NUP37: variants seen among roughly 807,000 people sequenced by gnomAD.
The protein encoded by NUP37 is nucleoporin 37.
In NUP37, 33 loss-of-function variants were observed where a neutral mutation model predicts 45.4. The ratio of observed to expected loss-of-function variants is 0.73; its 90% confidence interval spans 0.55 to 0.97. The LOEUF (loss-of-function observed/expected upper bound fraction) is 0.97. Among genes scored for constraint, NUP37 ranks in the 50% least tolerant of loss-of-function variants. The pLI is 0.00. For missense variants in NUP37, 365 were observed against 389.7 expected (o/e 0.94, Z 0.53); for synonymous variants, 127 against 130.7 (o/e 0.97, Z 0.19).
chr12:102,109,162 A>C (rs1294288608), intron 3 of NUP37, among the ~76,000 whole-genome samples: 1 of 152,232 alleles, frequency 6.6e-6, no homozygotes, highest in East Asian at 1.9e-4. Context: ...TTGAACCAGA[A>C]AACCTCAGAG....
intron 4 of NUP37, among the ~76,000 whole-genome samples, chr12:102,099,728 T>G (rs980580119): frequency 6.6e-6 from 1 of 152,104 alleles, no homozygotes; most frequent in East Asian, 1.9e-4. Context: ...CCCATAGTTA[T>G]CACCAACACA....
chr12:102,087,808 T>C (rs1879514938), intron 5 of NUP37, among the ~76,000 whole-genome samples: 1 of 152,178 alleles, frequency 6.6e-6, no homozygotes, highest in Non-Finnish European at 1.5e-5. Flanking sequence ...CATTCCAAAA[T>C]ATTTTCATGA....
At chr12:102,074,842 A>C (rs1879123768) in intron 9 of NUP37, 159 bp downstream of exon 9, 11 of 467,684 alleles carry the variant, frequency 2.4e-5, no homozygotes, top group Non-Finnish European at 4.1e-5. Context: ...CACACAAAAA[A>C]CAAAAACAAA....
At chr12:102,089,924 T>C (rs978978201) in intron 5 of NUP37, among the ~76,000 whole-genome samples, 1 of 152,202 alleles carries the variant, frequency 6.6e-6, no homozygotes, top group East Asian at 1.9e-4. Context: ...GTCTTGCATA[T>C]GTCTTTTAGT....
At chr12:102,088,308 A>G (rs1161589468) in intron 5 of NUP37, among the ~76,000 whole-genome samples, 1 of 152,202 alleles carries the variant, frequency 6.6e-6, no homozygotes, top group African/African-American at 2.4e-5. Context: ...CATCTGGTTA[A>G]TATTACTTAC....
At chr12:102,096,115 GATA>G (rs1184881113) in intron 5 of NUP37, among the ~76,000 whole-genome samples, 2 of 151,918 alleles carry the variant, frequency 1.3e-5, no homozygotes, top group African/African-American at 2.4e-5. Flanking sequence ...ATTAAGGGAC[GATA>G]ATAATTTTCT....
At chr12:102,110,341 A>C (rs1880275787) in intron 3 of NUP37, among the ~76,000 whole-genome samples, 1 of 151,312 alleles carries the variant, frequency 6.6e-6, no homozygotes, top group African/African-American at 2.4e-5. Context: ...CACTGCAAAA[A>C]ATACAAAAAA....
intron 3 of NUP37, among the ~76,000 whole-genome samples, chr12:102,107,856 C>G (rs568255433): frequency 4.6e-5 from 7 of 152,092 alleles, no homozygotes; most frequent in African/African-American, 1.7e-4. Flanking sequence ...TAAAAAAAAG[C>G]AAGGAGATGA....
intron 6 of NUP37, chr12:102,079,294 C>T (rs1879268542): frequency 2.2e-6 from 1 of 453,610 alleles, no homozygotes; most frequent in Non-Finnish European, 4.4e-6. Context: ...TAAGAACGTA[C>T]TTTTGTACTT....
intron 2 of NUP37, among the ~76,000 whole-genome samples, chr12:102,116,430 G>A (rs17529215): frequency 6.6e-6 from 1 of 152,026 alleles, no homozygotes; most frequent in Non-Finnish European, 1.5e-5. Flanking sequence ...TTTCAAGTAC[G>A]TAACATTGTC....
At chr12:102,093,476 C>T (rs1879716778) in intron 5 of NUP37, among the ~76,000 whole-genome samples, 1 of 151,866 alleles carries the variant, frequency 6.6e-6, no homozygotes, top group South Asian at 2.1e-4. Context: ...TAAAAATAAA[C>T]TTCAAAAATT....
chr12:102,077,211 G>A, intron 7 of NUP37, 111 bp downstream of exon 7: 1 of 1,110,844 alleles, frequency 9.0e-7, no homozygotes, highest in Non-Finnish European at 1.4e-6. Flanking sequence ...GGAAAGACTT[G>A]CTTTCGCTTG....
intron 3 of NUP37, among the ~76,000 whole-genome samples, chr12:102,108,624 C>T (rs1307474660): frequency 2.0e-5 from 3 of 151,670 alleles, no homozygotes; most frequent in Non-Finnish European, 4.4e-5. Flanking sequence ...TGTGTTTAAA[C>T]ACGTATGTTA....
At chr12:102,119,819 G>T (rs748814951) in intron 1 of NUP37, among the ~76,000 whole-genome samples, 1 of 152,098 alleles carries the variant, frequency 6.6e-6, no homozygotes, top group Non-Finnish European at 1.5e-5. Flanking sequence ...GTACACGTTG[G>T]ACAGGACTTG....
intron 2 of NUP37, 58 bp from the exon 3 acceptor site, chr12:102,112,290 G>A: frequency 7.4e-6 from 10 of 1,356,936 alleles, no homozygotes; most frequent in Middle Eastern, 1.9e-4. Flanking sequence ...ATAATATTCT[G>A]TATTTCATTA....
intron 5 of NUP37, among the ~76,000 whole-genome samples, chr12:102,097,492 C>T (rs2136735998): frequency 6.6e-6 from 1 of 152,160 alleles, no homozygotes; most frequent in South Asian, 2.1e-4. Context: ...AAAAAGTTAG[C>T]AACCCTATGT....
chr12:102,089,573 G>A (rs1171527306), intron 5 of NUP37, among the ~76,000 whole-genome samples: 2 of 143,694 alleles, frequency 1.4e-5, no homozygotes, highest in African/African-American at 5.3e-5. Context: ...CGGGGCAGCC[G>A]GGCAGAGGCA....
At chr12:102,094,059 A>C (rs951296434) in intron 5 of NUP37, among the ~76,000 whole-genome samples, 1 of 152,114 alleles carries the variant, frequency 6.6e-6, no homozygotes, top group African/African-American at 2.4e-5. Flanking sequence ...ACTGCATTGA[A>C]TTTAAAAATG....
At chr12:102,119,025 T>C (rs1316055618) in intron 1 of NUP37, 3 of 152,506 alleles carry the variant, frequency 2.0e-5, no homozygotes, top group African/African-American at 7.2e-5. Flanking sequence ...ATGGAGAAAC[T>C]GAGGCTTCAG....
Sources: allele counts gnomAD v4.1 joint callset (sites outside exome capture counted in the v4.1 genomes callset), GRCh38; gene constraint gnomAD v4.1.1; transcripts MANE v1.5; gene names NCBI Gene and HGNC (gene_info 2026-07-23, HGNC 2026-07-21).